The following MPPED1 variants were observed in gnomAD, a reference collection of about 807,000 sequenced individuals.
MPPED1 encodes the protein metallophosphoesterase domain-containing protein 1.
Under a neutral mutation model 36.2 loss-of-function variants are expected in MPPED1, and 16 were observed. The ratio of observed to expected loss-of-function variants is 0.44; its 90% CI spans 0.30 to 0.67. The LOEUF (loss-of-function observed/expected upper bound fraction) is 0.67, where lower values mean the gene tolerates loss of function less well. Among genes scored for constraint, MPPED1 ranks in the 30% least tolerant of loss-of-function variants. The pLI, the probability that MPPED1 is intolerant of heterozygous loss-of-function variation, is 0.10. For missense variants in MPPED1, 307 were observed against 453.4 expected (o/e 0.68, Z 2.93); for synonymous variants, 199 against 191.3 (o/e 1.04, Z -0.33).
chr22:43,436,248 C>A (rs555756112), intron 3 of MPPED1, among the ~76,000 whole-genome samples: 2 of 152,354 alleles, frequency 1.3e-5, no homozygotes, highest in East Asian at 3.9e-4. Context: ...CAGCCCAGCA[C>A]CCAGGCCTGC....
At chr22:43,426,465 G>T (rs1378981859) in intron 2 of MPPED1, among the ~76,000 whole-genome samples, 1 of 152,142 alleles carries the variant, frequency 6.6e-6, no homozygotes, top group East Asian at 1.9e-4. Context: ...CGTGAGTCTG[G>T]TGCCCCAAAA....
chr22:43,464,293 G>C (rs1320133943), intron 3 of MPPED1, among the ~76,000 whole-genome samples: 26 of 27,712 alleles, frequency 9.4e-4, no homozygotes, highest in African/African-American at 4.6e-3. Context: ...GGTCAGCTCT[G>C]TGTGTGTGTG....
At chr22:43,485,276 TCAAA>T (rs1406773823) in intron 4 of MPPED1, among the ~76,000 whole-genome samples, 1 of 151,176 alleles carries the variant, frequency 6.6e-6, no homozygotes, top group African/African-American at 2.4e-5. Context: ...ATCCACACGC[TCAAA>T]CACATGCATT....
intron 3 of MPPED1, among the ~76,000 whole-genome samples, chr22:43,466,995 A>T (rs1931195897): frequency 6.6e-6 from 1 of 152,174 alleles, no homozygotes; most frequent in Non-Finnish European, 1.5e-5. Flanking sequence ...GTCTTATCAA[A>T]CTTGCTTAAA....
At chr22:43,418,243 G>A (rs1268463764) in intron 1 of MPPED1, 2 of 442,358 alleles carry the variant, frequency 4.5e-6, no homozygotes, top group African/African-American at 4.0e-5. Context: ...AGGGACAGCA[G>A]ATGTGAACTG....
chr22:43,427,746 A>G (rs1361955006), intron 2 of MPPED1, among the ~76,000 whole-genome samples: 1 of 151,998 alleles, frequency 6.6e-6, no homozygotes, highest in Non-Finnish European at 1.5e-5. Context: ...AGTTTCGCCA[A>G]CCTGGAGCTG....
In MPPED1 at chr22:43,507,226, C is replaced by T. The variant is rs1932828603; in HGVS notation, c.*1610C>T. 6.6e-6 allele frequency: 1 copy of T among 152,272 alleles called. No individual in the cohort carries two copies. Among genetic ancestry groups the T allele is most frequent in the Non-Finnish European group, 1.5e-5 (1 of 68,068 alleles). The allele number at this position is 152,272 out of a possible 1,614,324, so 9.4% of individuals were successfully genotyped here. The stretch of plus-strand genomic sequence containing the variant: ...GCCATGACCCGAAGTTATGTCCCTA[C>T]AAAGCAATGCATGGTCCAAGGCTCT... On this transcript the variant is annotated 3_prime_UTR_variant, in exon 7 of 7. Coordinates refer to ENST00000443721, the MANE Select transcript of MPPED1 (RefSeq NM_001044370.2).
intron 3 of MPPED1, among the ~76,000 whole-genome samples, chr22:43,440,074 G>A (rs532344066): frequency 7.2e-5 from 11 of 152,360 alleles, no homozygotes; most frequent in South Asian, 6.2e-4. Context: ...GCCAGCCAGC[G>A]GAGCCCTGGA....
intron 3 of MPPED1, 100 bp downstream of exon 3, chr22:43,435,315 C>A: frequency 7.5e-7 from 1 of 1,341,722 alleles, no homozygotes; most frequent in South Asian, 1.4e-5. Flanking sequence ...CTGCGCTGCC[C>A]GGGCCCCCTC....
At position 43,456,318 on chromosome 22, in the gene MPPED1, G is replaced by A. The variant is rs183363129; in HGVS notation, c.407-18418G>A. On this transcript the variant is annotated intron_variant, in intron 3 of 6. Transcript: ENST00000443721. The stretch of plus-strand genomic sequence containing the variant: ...TATTTATTTGTTTATTTAGAGACAG[G>A]GTCTCATTATATTGCCTAGGCTGGA... Among the ~76,000 whole-genome samples, 159 of 152,248 alleles carry A rather than the reference G, an allele frequency of 1.0e-3. 2 individuals are homozygous for A. In the Middle Eastern group the frequency reaches 0.037, roughly 36 times the overall value.
At chr22:43,428,486 T>C (rs1424209522) in intron 2 of MPPED1, among the ~76,000 whole-genome samples, 1 of 152,086 alleles carries the variant, frequency 6.6e-6, no homozygotes, top group Non-Finnish European at 1.5e-5. Context: ...AGGCTGCTGG[T>C]GGTGGCTGAA....
At chr22:43,418,220 G>T in intron 1 of MPPED1, 1 of 453,984 alleles carries the variant, frequency 2.2e-6, no homozygotes, top group Non-Finnish European at 4.4e-6. Context: ...GAGGATGCTG[G>T]TAATAGTGGC....
chr22:43,456,844 A>G (rs1930773658), intron 3 of MPPED1, among the ~76,000 whole-genome samples: 1 of 152,066 alleles, frequency 6.6e-6, no homozygotes, highest in Non-Finnish European at 1.5e-5. Flanking sequence ...TATTTTGTCA[A>G]ATGCTTTTCT....
intron 4 of MPPED1, among the ~76,000 whole-genome samples, chr22:43,490,341 G>C (rs1182389884): frequency 6.6e-6 from 1 of 152,214 alleles, no homozygotes; most frequent in Non-Finnish European, 1.5e-5. Context: ...CTCTGCCTGG[G>C]CCTCCCTGTG....
chr22:43,429,041 A>AAGGCCC (rs1434881095), intron 2 of MPPED1, among the ~76,000 whole-genome samples: 2 of 152,138 alleles, frequency 1.3e-5, no homozygotes, highest in African/African-American at 4.8e-5. Context: ...TCATCGCTTA[A>AAGGCCC]AGGCCCTTCG....
chr22:43,495,086 A>G (rs1932217353), intron 4 of MPPED1, among the ~76,000 whole-genome samples: 1 of 151,730 alleles, frequency 6.6e-6, no homozygotes, highest in African/African-American at 2.4e-5. Context: ...AAACATTTAG[A>G]TCATAGCAAT....
At chr22:43,443,027 C>T (rs1246154355) in intron 3 of MPPED1, among the ~76,000 whole-genome samples, 1 of 152,172 alleles carries the variant, frequency 6.6e-6, no homozygotes, top group Non-Finnish European at 1.5e-5. Context: ...ATTGTCCCTG[C>T]CTGGGTGGCC....
At chr22:43,487,125 C>T (rs950609494) in intron 4 of MPPED1, among the ~76,000 whole-genome samples, 4 of 152,110 alleles carry the variant, frequency 2.6e-5, no homozygotes, top group Non-Finnish European at 5.9e-5. Context: ...GCAACCCCTC[C>T]CTGAAGCCGG....
chr22:43,428,945 A>G (rs1929579121), intron 2 of MPPED1, among the ~76,000 whole-genome samples: 1 of 151,988 alleles, frequency 6.6e-6, no homozygotes, highest in African/African-American at 2.4e-5. Context: ...GTTATCCTGG[A>G]GCTCTCACTG....
Sources: gnomAD v4.1 joint callset for allele counts (sites outside exome capture counted in the v4.1 genomes callset) on GRCh38, gnomAD v4.1.1 for gene constraint, MANE v1.5 for transcripts, NCBI Gene and HGNC (gene_info 2026-07-23, HGNC 2026-07-21) for gene names.